The following INPP5D variants were observed in gnomAD, a reference collection of about 807,000 sequenced individuals.
The protein encoded by INPP5D is phosphatidylinositol 3,4,5-trisphosphate 5-phosphatase 1.
Under a neutral mutation model 122.9 loss-of-function variants are expected in INPP5D, and 33 were observed. The ratio of observed to expected loss-of-function variants is 0.27; its 90% confidence interval spans 0.20 to 0.36. The LOEUF is 0.36. Ranked by LOEUF, INPP5D falls within the 10% of genes least tolerant of loss-of-function variation. INPP5D has a pLI of 1.00. For missense variants in INPP5D, 1,053 were observed against 1,412.7 expected (o/e 0.75, Z 4.08); for synonymous variants, 584 against 576.2 (o/e 1.01, Z -0.19).
In INPP5D at chr2:233,075,125, T is replaced by C. The variant is rs544484561; in HGVS notation, c.135-4210T>C. Reference sequence around the variant, plus strand: ...ACACTCAGCACAGGGTGGGCACCTGTCATCACCCAGCACCTGTGGGAGTCA... The same window carrying C: ...ACACTCAGCACAGGGTGGGCACCTGCCATCACCCAGCACCTGTGGGAGTCA... On this transcript the variant is annotated intron_variant, in intron 1 of 26. Coordinates refer to ENST00000445964, the MANE Select transcript of INPP5D (RefSeq NM_001017915.3). 2.6e-5 allele frequency among the ~76,000 whole-genome samples: 4 copies of C among 152,312 alleles called. No homozygotes were observed. The East Asian group carries it at 5.8e-4, about 22-fold the overall frequency.
At chr2:233,086,180 T>TCTTTCTTTCTTTCTTC (rs1691841168) in intron 2 of INPP5D, among the ~76,000 whole-genome samples, 1 of 147,108 alleles carries the variant, frequency 6.8e-6, no homozygotes, top group Non-Finnish European at 1.5e-5. Flanking sequence ...TTTCTTTCTT[T>TCTTTCTTTCTTTCTTC]CTTTCTTTCC....
At position 233,130,778 on chromosome 2, in the gene INPP5D, G is replaced by A. The variant is rs141195470; in HGVS notation, c.665+130G>A. On this transcript the variant is annotated intron_variant, in intron 5 of 26. Transcript: ENST00000445964. The stretch of plus-strand genomic sequence containing the variant: ...GCCGCACTCACAATAATTGAGTGGT[G>A]AGCACAGCTTGGAAATCTCTGTGGT... The A allele has an allele frequency of 1.7e-4, 165 of 967,026 alleles. 1 individual carries two copies. In the African/African-American group the frequency reaches 2.3e-3, roughly 14 times the overall value. The allele number at this position is 967,026 out of a possible 1,614,324, so 59.9% of individuals were successfully genotyped here.
chr2:233,182,544 A>G (rs772506068), intron 19 of INPP5D, 45 bp downstream of exon 19: 77 of 1,606,996 alleles, frequency 4.8e-5, no homozygotes, highest in Non-Finnish European at 6.4e-5. Context: ...CTCAATGACA[A>G]GGAGTGTTGG....
At chr2:233,132,183 C>T (rs1424517926) in intron 5 of INPP5D, among the ~76,000 whole-genome samples, 1 of 152,174 alleles carries the variant, frequency 6.6e-6, no homozygotes, top group Admixed American at 6.5e-5. Context: ...TATAAAACAC[C>T]ATTTCACAAT....
At chr2:233,109,379 C>T (rs934440290) in intron 2 of INPP5D, among the ~76,000 whole-genome samples, 4 of 152,214 alleles carry the variant, frequency 2.6e-5, no homozygotes, top group South Asian at 2.1e-4. Flanking sequence ...CGTCTATGCG[C>T]GTTGCTGTGT....
At chr2:233,062,343 C>T (rs994421759) in intron 1 of INPP5D, among the ~76,000 whole-genome samples, 3 of 152,216 alleles carry the variant, frequency 2.0e-5, no homozygotes, top group African/African-American at 4.8e-5. Context: ...AGCATCTTAA[C>T]GTCTAGGATT....
At chr2:233,146,508 C>A in intron 8 of INPP5D, 70 bp downstream of exon 8, 1 of 701,384 alleles carries the variant, frequency 1.4e-6, no homozygotes, top group South Asian at 1.5e-5. Flanking sequence ...TGTTCTTGTT[C>A]CTGTGGAAAG....
chr2:233,121,254 C>G (rs1404323125), intron 2 of INPP5D, among the ~76,000 whole-genome samples: 1 of 151,118 alleles, frequency 6.6e-6, no homozygotes, highest in African/African-American at 2.4e-5. Flanking sequence ...GCCTCGCCCT[C>G]CCAAGTAGCT....
intron 6 of INPP5D, 181 bp downstream of exon 6, chr2:233,140,110 C>T: frequency 2.6e-6 from 1 of 382,814 alleles, no homozygotes. Context: ...TTCCAGGAAG[C>T]CATCTCCCAC....
intron 18 of INPP5D, among the ~76,000 whole-genome samples, chr2:233,181,150 T>C (rs1694773736): frequency 6.6e-6 from 1 of 152,230 alleles, no homozygotes; most frequent in Non-Finnish European, 1.5e-5. Context: ...TCCCTTTCTC[T>C]GTTCTGTCTC....
rs777931509 is a variant in INPP5D at position 233,170,520 on chromosome 2, AT to A, written c.1817del (p.Ile606ThrfsTer44). Reference sequence around the variant, plus strand: ...GGAGGCAGAAACCATCATCCAGAAAATCAAGCAGCAGCAGTACGCAGACCTC... The same window carrying A: ...GGAGGCAGAAACCATCATCCAGAAAACAAGCAGCAGCAGTACGCAGACCTC... ...TWEAETIIQKIKQQQYADLLS... is the reference protein window; with the variant it reads ...TWEAETIIQKXKQQQYADLLS... On this transcript the variant is annotated frameshift_variant, in exon 16 of 27. Coordinates refer to ENST00000445964, the MANE Select transcript of INPP5D (RefSeq NM_001017915.3). LOFTEE classifies it high-confidence loss of function. The surrounding 1 kb of genome is among the most constrained non-coding windows in gnomAD (Gnocchi z 4.5). The A allele has an allele frequency of 6.2e-7, 1 of 1,613,672 alleles. No individual in the cohort carries two copies. The highest frequency in any genetic ancestry group is 1.1e-5 in the South Asian group (1 of 91,058).
chr2:233,144,378 TCATGATCAC>T (rs1574761793), intron 6 of INPP5D, among the ~76,000 whole-genome samples: 5 of 139,370 alleles, frequency 3.6e-5, no homozygotes, highest in Admixed American at 7.1e-5. Flanking sequence ...GTGGAGGTGG[TCATGATCAC>T]GGTGGGAGTG....
At position 233,186,311 on chromosome 2, in the gene INPP5D, G is replaced by A. The variant is rs115169221; in HGVS notation, c.2358+386G>A. On this transcript the variant is annotated intron_variant, in intron 21 of 26. Coordinates refer to ENST00000445964, the MANE Select transcript of INPP5D (RefSeq NM_001017915.3). Reference sequence around the variant, plus strand: ...ACCCCAAGACCCCGATCCCCTCTTTGACGCTTGTTTTCCTATTCAGTGCTG... The same window carrying A: ...ACCCCAAGACCCCGATCCCCTCTTTAACGCTTGTTTTCCTATTCAGTGCTG... Among the ~76,000 whole-genome samples, 197 of 152,232 alleles carry A rather than the reference G, an allele frequency of 1.3e-3. 1 individual carries two copies. The highest frequency in any genetic ancestry group is 4.0e-3 in the African/African-American group (167 of 41,542).
At chr2:233,166,948 C>T (rs940623991) in intron 13 of INPP5D, among the ~76,000 whole-genome samples, 20 of 151,622 alleles carry the variant, frequency 1.3e-4, no homozygotes, top group Admixed American at 5.9e-4. Context: ...CATGCCACTG[C>T]ACTCCAGCCT....
intron 10 of INPP5D, among the ~76,000 whole-genome samples, chr2:233,159,001 C>T (rs1057350987): frequency 6.6e-5 from 10 of 152,072 alleles, no homozygotes; most frequent in African/African-American, 1.9e-4. Flanking sequence ...AGGCTGGTCT[C>T]GAACTCCTGG....
intron 21 of INPP5D, among the ~76,000 whole-genome samples, chr2:233,186,791 C>T (rs201906733): frequency 4.0e-5 from 5 of 125,750 alleles, no homozygotes; most frequent in Non-Finnish European, 6.5e-5. Flanking sequence ...GGCATGATCT[C>T]GGCTCACTGC....
chr2:233,073,349 T>C (rs1691430507), intron 1 of INPP5D, among the ~76,000 whole-genome samples: 1 of 152,228 alleles, frequency 6.6e-6, no homozygotes, highest in Non-Finnish European at 1.5e-5. Flanking sequence ...TTCTAAAAAA[T>C]GATCTCTGGA....
chr2:233,180,981 C>G (rs1694769522), intron 18 of INPP5D, among the ~76,000 whole-genome samples: 2 of 152,178 alleles, frequency 1.3e-5, no homozygotes, highest in Non-Finnish European at 2.9e-5. Flanking sequence ...GCCTCAGGTC[C>G]AGTTTTTAGG....
intron 2 of INPP5D, among the ~76,000 whole-genome samples, chr2:233,083,832 AGCAAAAGAGGCCCTTC>A (rs1251894305): frequency 6.6e-6 from 1 of 152,152 alleles, no homozygotes; most frequent in Non-Finnish European, 1.5e-5. Context: ...CCACAGTTGA[AGCAAAAGAGGCCCTTC>A]GGCTCCACCC....
Sources: gnomAD v4.1 joint callset for allele counts (sites outside exome capture counted in the v4.1 genomes callset) on GRCh38, gnomAD v4.1.1 for gene constraint, Gnocchi (gnomAD v3.1) non-coding constraint, MANE v1.5 for transcripts, NCBI Gene and HGNC (gene_info 2026-07-23, HGNC 2026-07-21) for gene names.